Variants in DNAH14 observed in about 807,000 individuals in gnomAD.
DNAH14 encodes axonemal beta dynein heavy chain 14.
DNAH14 carries 478 observed loss-of-function variants against 520.9 expected under a neutral mutation model. The observed-to-expected ratio is 0.92, with a 90% CI of 0.85 to 0.99. DNAH14 has a LOEUF of 0.99. DNAH14 is among the 50% of genes least tolerant of loss of function. The pLI, the probability that DNAH14 is intolerant of heterozygous loss-of-function variation, is 0.00. For synonymous variants in DNAH14, 1,581 were observed against 1,757.2 expected (o/e 0.90, Z 2.51); for missense variants, 4,831 against 5,234.5 (o/e 0.92, Z 2.38).
chr1:225,171,056 G>A (rs1442429411), intron 36 of DNAH14, among the ~76,000 whole-genome samples: 2 of 152,300 alleles, frequency 1.3e-5, no homozygotes, highest in South Asian at 2.1e-4. Context: ...AAATAAAGAT[G>A]TTCTTTGAAA....
At chr1:225,158,513 C>A (rs1051465989) in intron 34 of DNAH14, among the ~76,000 whole-genome samples, 1 of 152,192 alleles carries the variant, frequency 6.6e-6, no homozygotes, top group Non-Finnish European at 1.5e-5. Context: ...AAGGCCTGAA[C>A]TTTACTCGAG....
chr1:225,079,470 T>G lies in DNAH14; in HGVS notation c.2688T>G (p.Thr896=). ...SMKLSKINKD[T]AITKFRDNLE... ...AGTTAAGTAAAATAAATAAAGACAC[T>G]GCTATAACTAAATTCAGAGATAACT... Residue 896 remains threonine, a synonymous_variant, in exon 18 of 86, where the codon ACT becomes ACG. Coordinates refer to ENST00000682510, the MANE Select transcript of DNAH14 (RefSeq NM_001367479.1). 1 of 1,544,028 alleles carries G rather than the reference T, an allele frequency of 6.5e-7. No individual in the cohort carries two copies. Among genetic ancestry groups the G allele is most frequent in the Middle Eastern group, 1.7e-4 (1 of 5,968 alleles).
rs968399185 is a variant in DNAH14 at position 225,351,829 on chromosome 1, C to A, written c.11479C>A (p.Pro3827Thr). The change falls in exon 72 of 86, where the codon CCT (proline) becomes ACT (threonine). Residue 3827 changes from proline to threonine, a missense_variant. By Grantham distance (38) the Pro-to-Thr change is conservative. Coordinates refer to ENST00000682510, the MANE Select transcript of DNAH14 (RefSeq NM_001367479.1). ...SKAVYSLIST[P>T]FSSENASLEE... ...AGCAGTTTATTCTCTGATCAGCACA[C>A]CTTTCTCTTCAGAAAATGCTTCATT... 45 of 1,551,082 alleles carry A rather than the reference C, an allele frequency of 2.9e-5. No individual in the cohort carries two copies. Among genetic ancestry groups the A allele is most frequent in the East Asian group, 2.7e-4 (11 of 40,916 alleles).
chr1:225,234,092 G>A (rs184118313), intron 42 of DNAH14, among the ~76,000 whole-genome samples: 2 of 152,232 alleles, frequency 1.3e-5, no homozygotes, highest in East Asian at 1.9e-4. Context: ...AAGATCAGAT[G>A]GTTGTAGATG....
chr1:225,106,575 G>C (rs561949947), intron 23 of DNAH14, among the ~76,000 whole-genome samples: 1 of 151,968 alleles, frequency 6.6e-6, no homozygotes, highest in Non-Finnish European at 1.5e-5. Context: ...AGGCTTTGTC[G>C]TTTCTTTTTA....
At chr1:225,339,784 G>C (rs988647395) in intron 68 of DNAH14, among the ~76,000 whole-genome samples, 1 of 152,104 alleles carries the variant, frequency 6.6e-6, no homozygotes, top group African/African-American at 2.4e-5. Flanking sequence ...CCTTCATAAA[G>C]TGGAATGAAG....
chr1:224,952,416 A>G (rs1000956444), intron 1 of DNAH14, among the ~76,000 whole-genome samples: 1 of 152,234 alleles, frequency 6.6e-6, no homozygotes, highest in Non-Finnish European at 1.5e-5. Context: ...TTGTATGTAC[A>G]TAAACCAATG....
At chr1:225,076,630 AATG>A (rs2072311095) in intron 17 of DNAH14, among the ~76,000 whole-genome samples, 1 of 152,130 alleles carries the variant, frequency 6.6e-6, no homozygotes. Flanking sequence ...TAGTAAGAAA[AATG>A]ATAAGTTTTG....
At chr1:225,270,603 C>A in intron 49 of DNAH14, 132 bp from the exon 50 acceptor site, 1 of 690,912 alleles carries the variant, frequency 1.4e-6, no homozygotes, top group Non-Finnish European at 2.1e-6. Flanking sequence ...TTTGTTTTTG[C>A]AATAAATAGT....
intron 55 of DNAH14, among the ~76,000 whole-genome samples, chr1:225,291,697 T>C (rs547609089): frequency 6.6e-6 from 1 of 152,312 alleles, no homozygotes; most frequent in East Asian, 1.9e-4. Context: ...CCACCGACAG[T>C]GTACAAGAGT....
At chr1:225,229,377 A>G (rs2090878866) in intron 41 of DNAH14, among the ~76,000 whole-genome samples, 1 of 152,230 alleles carries the variant, frequency 6.6e-6, no homozygotes, top group African/African-American at 2.4e-5. Context: ...TCAAGGATCT[A>G]GAACCAGAAA....
intron 26 of DNAH14, among the ~76,000 whole-genome samples, chr1:225,120,105 C>T (rs1391004270): frequency 6.6e-6 from 1 of 152,194 alleles, no homozygotes; most frequent in Non-Finnish European, 1.5e-5. Context: ...TATTACTCAA[C>T]TCAGTCTCCT....
Position 225,269,295 on chromosome 1 carries a change from G to A in DNAH14, c.7540-1440G>A, listed in dbSNP as rs560478069. On this transcript the variant is annotated intron_variant, in intron 49 of 85. Transcript: ENST00000682510. The stretch of plus-strand genomic sequence containing the variant: ...AGCCATATGTAGAAAGCTGAAACTG[G>A]ATCCCTTCCTTACACCTTATATAAA... 1.8e-3 allele frequency among the ~76,000 whole-genome samples: 276 copies of A among 152,262 alleles called. 1 individual carries two copies. Among genetic ancestry groups the A allele is most frequent in the Non-Finnish European group, 2.8e-3 (191 of 68,010 alleles).
chr1:225,084,777 C>T (rs2073541026), intron 20 of DNAH14, among the ~76,000 whole-genome samples: 2 of 15,952 alleles, frequency 1.3e-4, no homozygotes, highest in South Asian at 9.3e-3. Flanking sequence ...ATACTTTAAC[C>T]ATAAAGACTT....
intron 60 of DNAH14, 43 bp downstream of exon 60, chr1:225,308,453 A>G: frequency 6.0e-6 from 9 of 1,496,042 alleles, no homozygotes; most frequent in Non-Finnish European, 8.0e-6. Context: ...TGGAGATTTG[A>G]AAAAGTATTC....
rs1490711879 is a variant in DNAH14 at position 225,056,139 on chromosome 1, T to C, written c.2424+4344T>C. Among the ~76,000 whole-genome samples, 2 of 151,954 alleles carry C rather than the reference T, an allele frequency of 1.3e-5. 1 individual carries two copies. The highest frequency in any genetic ancestry group is 2.9e-5 in the Non-Finnish European group (2 of 67,944). On this transcript the variant is annotated intron_variant, in intron 17 of 85. Transcript: ENST00000682510. ...CACTTCCACAATGGTTGAACTACTT[T>C]ACAGCCCCACCAACAGTGTAAAAGT...
chr1:224,974,662 T>C (rs1008595917), intron 8 of DNAH14, among the ~76,000 whole-genome samples: 5 of 152,168 alleles, frequency 3.3e-5, no homozygotes, highest in Admixed American at 1.3e-4. Context: ...AATCAAGATA[T>C]AGAACACTGC....
chr1:225,374,996 T>G, intron 78 of DNAH14, 111 bp downstream of exon 78: 3 of 1,040,796 alleles, frequency 2.9e-6, no homozygotes, highest in Non-Finnish European at 4.0e-6. Flanking sequence ...TTAAAGGCTT[T>G]TAGTAGCTTT....
intron 62 of DNAH14, among the ~76,000 whole-genome samples, chr1:225,323,594 G>A (rs1295696443): frequency 6.6e-6 from 1 of 152,138 alleles, no homozygotes; most frequent in East Asian, 1.9e-4. Context: ...CTCCCGAGTA[G>A]CTGGGGCTAC....
Sources: gnomAD v4.1 joint callset for allele counts (sites outside exome capture counted in the v4.1 genomes callset) on GRCh38, gnomAD v4.1.1 for gene constraint, MANE v1.5 for transcripts, NCBI Gene and HGNC (gene_info 2026-07-23, HGNC 2026-07-21) for gene names.